The following NEK7 variants were observed in gnomAD, a reference collection of about 807,000 sequenced individuals.
The protein encoded by NEK7 is serine/threonine-protein kinase Nek7.
A neutral mutation model predicts 44.6 loss-of-function variants in NEK7; 18 were observed. The ratio of observed to expected loss-of-function variants is 0.40; its 90% CI spans 0.28 to 0.60. The LOEUF (loss-of-function observed/expected upper bound fraction) is 0.60. Among genes scored for constraint, NEK7 ranks in the 20% least tolerant of loss-of-function variants. The pLI, the probability that NEK7 is intolerant of heterozygous loss-of-function variation, is 0.38. For missense variants in NEK7, 256 were observed against 366.5 expected (o/e 0.70, Z 2.46); for synonymous variants, 130 against 121.1 (o/e 1.07, Z -0.48).
chr1:198,310,397 T>G lies in NEK7; in HGVS notation c.799-9015T>G, dbSNP rs537840127. On this transcript the variant is annotated intron_variant, in intron 9 of 9. Coordinates refer to ENST00000367385, the MANE Select transcript of NEK7 (RefSeq NM_133494.3). The stretch of plus-strand genomic sequence containing the variant: ...ATTTTCTCCCATTTTGTAGGCTGCC[T>G]GTTCACTCTGATGGTAGTTTCTTTT... Among the ~76,000 whole-genome samples the G allele has an allele frequency of 1.2e-4, 18 of 151,214 alleles. No homozygotes were observed. In the East Asian group the frequency reaches 3.0e-3, roughly 25 times the overall value.
At chr1:198,219,553 A>G (rs1409899872) in intron 1 of NEK7, among the ~76,000 whole-genome samples, 4 of 141,460 alleles carry the variant, frequency 2.8e-5, no homozygotes. Flanking sequence ...GAGACTCAGA[A>G]TGGGGAAGGG....
intron 1 of NEK7, among the ~76,000 whole-genome samples, chr1:198,161,631 G>A (rs546173945): frequency 6.6e-6 from 1 of 152,160 alleles, no homozygotes; most frequent in South Asian, 2.1e-4. Context: ...CCCAAATTTT[G>A]TGTTTCATTT....
chr1:198,166,741 A>G (rs1664280278), intron 1 of NEK7, among the ~76,000 whole-genome samples: 1 of 152,208 alleles, frequency 6.6e-6, no homozygotes, highest in South Asian at 2.1e-4. Context: ...AACATCAAAG[A>G]TTGCTGATCA....
At chr1:198,314,166 G>A (rs1181440466) in intron 9 of NEK7, among the ~76,000 whole-genome samples, 273 of 151,864 alleles carry the variant, frequency 1.8e-3, no homozygotes, top group African/African-American at 5.8e-3. Context: ...TTCCCTTCTC[G>A]CTTCATTTCA....
chr1:198,244,640 G>A (rs1422558080), intron 2 of NEK7, among the ~76,000 whole-genome samples: 1 of 152,116 alleles, frequency 6.6e-6, no homozygotes, highest in African/African-American at 2.4e-5. Flanking sequence ...AAAAATGTTT[G>A]TTAATAAGAA....
At chr1:198,186,921 G>C (rs1294934776) in intron 1 of NEK7, among the ~76,000 whole-genome samples, 1 of 152,202 alleles carries the variant, frequency 6.6e-6, no homozygotes, top group Admixed American at 6.5e-5. Flanking sequence ...AGTATGGATT[G>C]TTCCATCTGA....
intron 1 of NEK7, among the ~76,000 whole-genome samples, chr1:198,228,934 C>A (rs4554746): frequency 6.6e-6 from 1 of 152,190 alleles, no homozygotes; most frequent in South Asian, 2.1e-4. Flanking sequence ...GAGGGCATCC[C>A]TGTCTTGTGC....
chr1:198,237,889 A>T (rs867419685), intron 2 of NEK7, among the ~76,000 whole-genome samples: 1 of 152,116 alleles, frequency 6.6e-6, no homozygotes, highest in African/African-American at 2.4e-5. Flanking sequence ...ATTTTTCTCC[A>T]TAGAATGTAT....
intron 1 of NEK7, among the ~76,000 whole-genome samples, chr1:198,226,230 C>A (rs1216126583): frequency 1.3e-5 from 2 of 152,050 alleles, no homozygotes; most frequent in Non-Finnish European, 2.9e-5. Context: ...TAAACACTGA[C>A]ATATTCTATA....
chr1:198,287,124 C>T (rs1348380222), intron 7 of NEK7, among the ~76,000 whole-genome samples: 4 of 152,102 alleles, frequency 2.6e-5, no homozygotes, highest in Admixed American at 6.6e-5. Context: ...TTAATGGACG[C>T]GACAGCTAGG....
At chr1:198,199,741 A>C (rs1028706750) in intron 1 of NEK7, among the ~76,000 whole-genome samples, 4 of 152,142 alleles carry the variant, frequency 2.6e-5, no homozygotes, top group African/African-American at 9.6e-5. Flanking sequence ...AATATAAATA[A>C]AGTTACACCA....
intron 9 of NEK7, among the ~76,000 whole-genome samples, chr1:198,313,515 A>C (rs1204646857): frequency 3.9e-5 from 5 of 129,286 alleles, no homozygotes; most frequent in African/African-American, 1.7e-4. Context: ...TCGTTAGTTG[A>C]TGCAGTTTCT....
At chr1:198,253,486 G>T (rs1653145411) in intron 3 of NEK7, among the ~76,000 whole-genome samples, 1 of 152,090 alleles carries the variant, frequency 6.6e-6, no homozygotes, top group African/African-American at 2.4e-5. Context: ...ACTAGATGTT[G>T]AATACTCACT....
chr1:198,158,849 C>T (rs1483898724), intron 1 of NEK7, among the ~76,000 whole-genome samples: 1 of 152,144 alleles, frequency 6.6e-6, no homozygotes, highest in Non-Finnish European at 1.5e-5. Context: ...CAGCGGCATC[C>T]TCTATTTGGT....
At chr1:198,191,594 TAC>T (rs2102767874) in intron 1 of NEK7, among the ~76,000 whole-genome samples, 1 of 152,218 alleles carries the variant, frequency 6.6e-6, no homozygotes, top group East Asian at 1.9e-4. Context: ...CTTTTTAAAT[TAC>T]CTCTCTTGAT....
chr1:198,157,050 G>A lies in NEK7; in HGVS notation c.-255G>A, dbSNP rs1050147522. On this transcript the variant is annotated 5_prime_UTR_variant, in exon 1 of 10. It removes an upstream start codon present in the reference 5' UTR. Transcript: ENST00000367385. The stretch of plus-strand genomic sequence containing the variant: ...GGAGGATCGGGAGTCGCGGGAGGAT[G>A]GGCCGCCGCTAGGCTCGCACTCCGG... 6.6e-6 allele frequency: 1 copy of A among 152,014 alleles called. No homozygotes were observed. Among genetic ancestry groups the A allele is most frequent in the Non-Finnish European group, 1.5e-5 (1 of 67,972 alleles). 9.4% of individuals were successfully genotyped at this position (152,014 alleles called of 1,614,324 possible).
chr1:198,273,956 G>C, intron 5 of NEK7, among the ~76,000 whole-genome samples: 1 of 151,396 alleles, frequency 6.6e-6, no homozygotes. Context: ...AGGTTAAATG[G>C]CTTGTTCAAG....
intron 1 of NEK7, among the ~76,000 whole-genome samples, chr1:198,158,104 C>CT (rs1663972070): frequency 6.6e-6 from 1 of 152,144 alleles, no homozygotes; most frequent in Non-Finnish European, 1.5e-5. Context: ...GCAGCATCCT[C>CT]TATTTAGTCT....
In NEK7 at chr1:198,287,032, G is replaced by C. The variant is rs76872899; in HGVS notation, c.590-5913G>C. Reference sequence around the variant, plus strand: ...TCTTGCCACTACCGTAACATAAACAGGTATAGCACCAAGAGGCGAAGATCA... The same window carrying C: ...TCTTGCCACTACCGTAACATAAACACGTATAGCACCAAGAGGCGAAGATCA... On this transcript the variant is annotated intron_variant, in intron 7 of 9. Transcript: ENST00000367385. 9.9e-3 allele frequency among the ~76,000 whole-genome samples: 1,506 copies of C among 152,218 alleles called. 20 individuals carry two copies. The highest frequency in any genetic ancestry group is 0.016 in the Non-Finnish European group (1,099 of 68,012).
Sources: gnomAD v4.1 joint callset for allele counts (sites outside exome capture counted in the v4.1 genomes callset) on GRCh38, gnomAD v4.1.1 for gene constraint, MANE v1.5 for transcripts, NCBI Gene and HGNC (gene_info 2026-07-23, HGNC 2026-07-21) for gene names.